POLR2E: variants seen among roughly 807,000 people sequenced by gnomAD.
The protein encoded by POLR2E is DNA-directed RNA polymerases I, II, and III subunit RPABC1.
Under a neutral mutation model 29.8 loss-of-function variants are expected in POLR2E, and 35 were observed. That is an observed-to-expected ratio of 1.17 (90% confidence interval 0.90 to 1.55). The LOEUF (loss-of-function observed/expected upper bound fraction) is 1.55. Among genes scored for constraint, POLR2E ranks in the 40% most tolerant of loss-of-function variants. The pLI is 0.00. For missense variants in POLR2E, 287 were observed against 288.6 expected (o/e 0.99, Z 0.04); for synonymous variants, 174 against 112.6 (o/e 1.55, Z -3.45).
chr19:1,089,601 A>T, intron 6 of POLR2E, 50 bp from the exon 7 acceptor site: 1 of 1,472,476 alleles, frequency 6.8e-7, no homozygotes, highest in Non-Finnish European at 9.5e-7. Flanking sequence ...GTCTCACTGC[A>T]GTCACCAGAC....
chr19:1,091,842 T>C lies in POLR2E; in HGVS notation c.298A>G (p.Thr100Ala). 1 of 1,613,226 alleles carries C rather than the reference T, an allele frequency of 6.2e-7. No homozygotes were observed. Residue 100 changes from threonine to alanine, a missense_variant, in exon 3 of 8, where the codon ACA becomes GCA. Thr to Ala is a moderately conservative substitution (Grantham distance 58, BLOSUM62 0). Transcript: ENST00000615234. Reference protein sequence around the residue: ...YCQRMQEENITRALIVVQQGM... With the variant: ...YCQRMQEENIARALIVVQQGM... ...TGCTGCACCACGATGAGAGCCCGTG[T>C]GATGTTCTCCTCCTGCATGCGCTGG...
chr19:1,092,178 C>T (rs539248886), intron 2 of POLR2E: 6 of 413,840 alleles, frequency 1.4e-5, no homozygotes, highest in South Asian at 1.2e-4. Context: ...AGACCTTCGA[C>T]TCTGAGAGGC....
At position 1,095,276 on chromosome 19, in the gene POLR2E, G is replaced by A. The variant is rs1207334502; in HGVS notation, c.40C>T (p.Arg14Cys). The change falls in exon 1 of 8, where the codon CGC (arginine) becomes TGC (cysteine). Residue 14 changes from arginine (R) to cysteine (C), a missense_variant. Arg to Cys is a radical substitution (Grantham distance 180, BLOSUM62 -3). Transcript: ENST00000615234. Reference protein sequence around the residue: ...EEETYRLWKIRKTIMQLCHDR... With the variant: ...EEETYRLWKICKTIMQLCHDR... Reference sequence around the variant, plus strand: ...CGGCTCACCTGCATGATGGTCTTGCGGATTTTCCAGAGCCGGTACGTCTCC... The same window carrying A: ...CGGCTCACCTGCATGATGGTCTTGCAGATTTTCCAGAGCCGGTACGTCTCC... The A allele has an allele frequency of 3.1e-6, 5 of 1,613,228 alleles. No individual in the cohort carries two copies. Among genetic ancestry groups the A allele is most frequent in the Admixed American group, 1.7e-5 (1 of 60,002 alleles).
rs1275796650 is a variant in POLR2E at position 1,088,059 on chromosome 19, CACTG to C, written c.*672_*675del. ...AGGGCAGGGCGAGGGCCTGGGGAGA[CACTG>C]ACCCCTGAAGCCAGCGCGAGGAGGG... On this transcript the variant is annotated 3_prime_UTR_variant, in exon 8 of 8. Coordinates refer to ENST00000615234, the MANE Select transcript of POLR2E (RefSeq NM_002695.5). The C allele has an allele frequency of 2.0e-5, 3 of 152,238 alleles. No individual in the cohort carries two copies. The highest frequency in any genetic ancestry group is 4.8e-5 in the African/African-American group (2 of 41,292). 9.4% of individuals were successfully genotyped at this position (152,238 alleles called of 1,614,324 possible). A position where few individuals can be genotyped will look rare whatever the true frequency, so the allele number is the denominator to read the frequency against.
chr19:1,090,170 C>A, intron 4 of POLR2E, 25 bp from the exon 5 acceptor site: 1 of 1,609,994 alleles, frequency 6.2e-7, no homozygotes, highest in Non-Finnish European at 8.5e-7. Context: ...AGCCACCAGG[C>A]ATCACCAAGG....
intron 3 of POLR2E, chr19:1,091,526 C>G (rs1473590414): frequency 2.0e-6 from 1 of 508,502 alleles, no homozygotes; most frequent in Non-Finnish European, 3.6e-6. Flanking sequence ...AGGGCTGGAG[C>G]CCACAGGAGC....
intron 2 of POLR2E, among the ~76,000 whole-genome samples, chr19:1,092,686 T>G (rs989973294): frequency 9.3e-5 from 14 of 151,258 alleles, no homozygotes; most frequent in African/African-American, 2.9e-4. Context: ...AGACTCTGTC[T>G]CAAAAAAATT....
At chr19:1,090,053 G>A in intron 5 of POLR2E, 34 bp downstream of exon 5, 6 of 1,595,748 alleles carry the variant, frequency 3.8e-6, no homozygotes, top group South Asian at 1.1e-5. Flanking sequence ...CGAGGGACAG[G>A]GAGGGGCGGG....
At chr19:1,094,953 G>A (rs2043909622) in intron 1 of POLR2E, 3 of 488,754 alleles carry the variant, frequency 6.1e-6, no homozygotes, top group Non-Finnish European at 1.1e-5. Flanking sequence ...AGAGTCTGGG[G>A]GCGCCCCCCG....
chr19:1,091,513 C>T, intron 3 of POLR2E: 1 of 486,182 alleles, frequency 2.1e-6, no homozygotes, highest in Non-Finnish European at 3.8e-6. Context: ...CTGCACCAGG[C>T]CGAGGGCTGG....
At chr19:1,090,556 T>A (rs1480271608) in intron 4 of POLR2E, among the ~76,000 whole-genome samples, 3 of 142,640 alleles carry the variant, frequency 2.1e-5, no homozygotes, top group Admixed American at 7.8e-5. Context: ...TAGCTGGGAC[T>A]ACAGGCGCTC....
rs2043714074 is a variant in POLR2E, at chr19:1,087,244, C to T, written c.*1491G>A. 1 of 152,126 alleles carries T rather than the reference C, an allele frequency of 6.6e-6. No homozygotes were observed. The highest frequency in any genetic ancestry group is 1.5e-5 in the Non-Finnish European group (1 of 68,030). 9.4% of individuals were successfully genotyped at this position (152,126 alleles called of 1,614,324 possible). A position where few individuals can be genotyped will look rare whatever the true frequency, so the allele number is the denominator to read the frequency against. On this transcript the variant is annotated 3_prime_UTR_variant, in exon 8 of 8. Coordinates refer to ENST00000615234, the MANE Select transcript of POLR2E (RefSeq NM_002695.5). Reference sequence around the variant, plus strand: ...CCTGAGCTCAAGCGATCCTCCACTTCCTGGGTTCAAGTGATTCTCCTGCCT... The same window carrying T: ...CCTGAGCTCAAGCGATCCTCCACTTTCTGGGTTCAAGTGATTCTCCTGCCT...
At position 1,088,627 on chromosome 19, in the gene POLR2E, G is replaced by C. The variant is rs2043761750; in HGVS notation, c.*108C>G. 1.3e-5 allele frequency: 2 copies of C among 152,650 alleles called. No individual in the cohort carries two copies. Among genetic ancestry groups the C allele is most frequent in the African/African-American group, 4.8e-5 (2 of 41,476 alleles). 9.5% of individuals were successfully genotyped at this position (152,650 alleles called of 1,614,324 possible). On this transcript the variant is annotated 3_prime_UTR_variant, in exon 8 of 8. Coordinates refer to ENST00000615234, the MANE Select transcript of POLR2E (RefSeq NM_002695.5). Reference sequence around the variant, plus strand: ...CACCTGCCTTGGGGAGTCCAGAGGAGCAGCAGCCGTGAGAGCTGTGGGGGC... The same window carrying C: ...CACCTGCCTTGGGGAGTCCAGAGGACCAGCAGCCGTGAGAGCTGTGGGGGC...
At chr19:1,092,445 TAATCCCAGCACTTTGGGAGGTC>T (rs1297175571) in intron 2 of POLR2E, 3 of 152,632 alleles carry the variant, frequency 2.0e-5, no homozygotes, top group Admixed American at 1.3e-4. Context: ...CTCGCACCTG[TAATCCCAGCACTTTGGGAGGTC>T]AAGGTGGGCA....
intron 6 of POLR2E, 155 bp downstream of exon 6, chr19:1,089,729 C>G: frequency 1.3e-6 from 1 of 793,484 alleles, no homozygotes; most frequent in Non-Finnish European, 2.1e-6. Flanking sequence ...GCCCAGTGGC[C>G]CTGGCTTTAA....
At position 1,095,297 on chromosome 19, in the gene POLR2E, TCTC is replaced by T; in HGVS notation, c.16_18del (p.Glu6del). 1.2e-6 allele frequency: 2 copies of T among 1,612,998 alleles called. No individual in the cohort carries two copies. The highest frequency in any genetic ancestry group is 1.3e-5 in the African/African-American group (1 of 74,936). The stretch of plus-strand genomic sequence containing the variant: ...TTGCGGATTTTCCAGAGCCGGTACG[TCTC>T]CTCCTCGTCGTCCATGGCAGCCTCC... On this transcript the variant is annotated inframe_deletion, in exon 1 of 8. Coordinates refer to ENST00000615234, the MANE Select transcript of POLR2E (RefSeq NM_002695.5).
At chr19:1,089,439 C>A in intron 7 of POLR2E, 33 bp downstream of exon 7, 1 of 1,463,132 alleles carries the variant, frequency 6.8e-7, no homozygotes, top group Non-Finnish European at 9.6e-7. Flanking sequence ...TGCCTCTGAC[C>A]CCACCTCAGT....
chr19:1,091,832 A>T lies in POLR2E; in HGVS notation c.308T>A (p.Leu103His). Residue 103 changes from leucine to histidine, a missense_variant, in exon 3 of 8, where the codon CTC becomes CAC. Transcript: ENST00000615234. ...TGTCATGCCCTGCTGCACCACGATGAGAGCCCGTGTGATGTTCTCCTCCTG... is the reference window on the plus strand; with the variant it reads ...TGTCATGCCCTGCTGCACCACGATGTGAGCCCGTGTGATGTTCTCCTCCTG... ...RMQEENITRA[L>H]IVVQQGMTPS... 1 of 1,612,880 alleles carries T rather than the reference A, an allele frequency of 6.2e-7. No individual in the cohort carries two copies. Among genetic ancestry groups the T allele is most frequent in the Non-Finnish European group, 8.5e-7 (1 of 1,179,784 alleles).
intron 1 of POLR2E, chr19:1,095,047 C>G: frequency 1.8e-6 from 1 of 558,924 alleles, no homozygotes; most frequent in South Asian, 2.3e-5. Context: ...AGCACCGCAC[C>G]CAGACGTCTC....
Sources: allele counts gnomAD v4.1 joint callset (sites outside exome capture counted in the v4.1 genomes callset), GRCh38; gene constraint gnomAD v4.1.1; transcripts MANE v1.5; gene names NCBI Gene and HGNC (gene_info 2026-07-23, HGNC 2026-07-21).